Variants in SPRY3 observed in about 807,000 individuals in gnomAD.
SPRY3 encodes the protein protein sprouty homolog 3.
SPRY3 carries 15 observed loss-of-function variants against 20.2 expected under a neutral mutation model. The ratio of observed to expected loss-of-function variants is 0.74; its 90% confidence interval spans 0.50 to 1.14. The LOEUF is 1.14. SPRY3 is among the 50% of genes most tolerant of loss of function. The pLI is 0.00. For synonymous variants in SPRY3, 143 were observed against 136.5 expected, an observed-to-expected ratio of 1.05 and a Z score of -0.33; for missense variants, 364 against 363.9, an observed-to-expected ratio of 1.00 and a Z score of 0.00.
chrX:155,717,003 T>C (rs1246331053), intron 2 of SPRY3, among the ~76,000 whole-genome samples: 1 of 132,720 alleles, frequency 7.5e-6, no homozygotes, highest in Non-Finnish European at 1.6e-5. Context: ...TATATATATA[T>C]ATATATATAG....
chrX:155,657,834 A>G lies in SPRY3; in HGVS notation c.-282+809A>G, dbSNP rs193106198. Among the ~76,000 whole-genome samples, 144 of 112,331 alleles carry G rather than the reference A, an allele frequency of 1.3e-3. 1 individual carries two copies. Among genetic ancestry groups the G allele is most frequent in the African/African-American group, 4.3e-3 (134 of 30,955 alleles). On this transcript the variant is annotated intron_variant, in intron 2 of 3. Transcript: ENST00000675360. ...TCTGGGCTGGATATCACAGTCCCTC[A>G]TGGCTTCCCTTGGCTAGGGGAGGGA... is the stretch of plus-strand genomic sequence containing the variant.
intron 2 of SPRY3, chrX:155,767,717 A>AGGAGGT: frequency 1.0e-5 from 1 of 97,222 alleles, no homozygotes; most frequent in Non-Finnish European, 2.0e-5. Context: ...GAGGAGGAGG[A>AGGAGGT]GAAAGAGGAG....
At chrX:155,732,519 G>A (rs1237215764) in intron 2 of SPRY3, among the ~76,000 whole-genome samples, 2 of 152,030 alleles carry the variant, frequency 1.3e-5, no homozygotes, top group Non-Finnish European at 2.9e-5. Context: ...TGCCAAGTAT[G>A]TGGAGAAAAG....
At chrX:155,675,505 A>G (rs1264518777) in intron 2 of SPRY3, among the ~76,000 whole-genome samples, 1 of 111,190 alleles carries the variant, frequency 9.0e-6, no homozygotes, top group African/African-American at 3.3e-5. Flanking sequence ...GAGCCCCACA[A>G]AGGTAGGAGG....
chrX:155,725,099 C>T (rs942756818), intron 2 of SPRY3, among the ~76,000 whole-genome samples: 2 of 152,114 alleles, frequency 1.3e-5, no homozygotes, highest in African/African-American at 4.8e-5. Flanking sequence ...GTCATTGGTT[C>T]CATTTACGTG....
At chrX:155,673,928 C>T (rs1212196950) in intron 2 of SPRY3, among the ~76,000 whole-genome samples, 1 of 111,619 alleles carries the variant, frequency 9.0e-6, no homozygotes, top group Non-Finnish European at 1.9e-5. Flanking sequence ...TCAAATTCCA[C>T]AGTGGCTATC....
chrX:155,628,562 T>A (rs1180162386), intron 1 of SPRY3, among the ~76,000 whole-genome samples: 2 of 111,818 alleles, frequency 1.8e-5, no homozygotes. Flanking sequence ...CCAACAAACA[T>A]ATGAAAAAAA....
At chrX:155,622,996 G>T (rs2067876400) in intron 1 of SPRY3, among the ~76,000 whole-genome samples, 2 of 111,826 alleles carry the variant, frequency 1.8e-5, no homozygotes, top group Admixed American at 1.9e-4. Flanking sequence ...TCAACCAATT[G>T]TTTTGGAATC....
At chrX:155,732,464 C>T (rs182056351) in intron 2 of SPRY3, among the ~76,000 whole-genome samples, 1 of 151,912 alleles carries the variant, frequency 6.6e-6, no homozygotes, top group East Asian at 1.9e-4. Context: ...ATATCTCAGC[C>T]CAGTTAAAAT....
At chrX:155,672,344 C>T (rs1557354832) in intron 2 of SPRY3, among the ~76,000 whole-genome samples, 1 of 109,578 alleles carries the variant, frequency 9.1e-6, no homozygotes, top group Non-Finnish European at 1.9e-5. Context: ...CCAGAATCTA[C>T]AATGAACTCA....
At chrX:155,616,135 C>CTCTCTCTCTCT (rs2067852531) in intron 1 of SPRY3, among the ~76,000 whole-genome samples, 1 of 32,219 alleles carries the variant, frequency 3.1e-5, no homozygotes, top group Non-Finnish European at 1.5e-4. Flanking sequence ...TCTCTCCTCT[C>CTCTCTCTCTCT]TCTCTCTCTC....
At chrX:155,774,740 C>T (rs773959049) in exon 4 of SPRY3, 2 of 1,606,266 alleles carry the variant, frequency 1.2e-6, no homozygotes. Context: ...TCTGTATGAC[C>T]TTCCAACAAG....
At chrX:155,635,550 A>G (rs1489876494) in intron 1 of SPRY3, among the ~76,000 whole-genome samples, 2 of 111,957 alleles carry the variant, frequency 1.8e-5, no homozygotes, top group African/African-American at 3.2e-5. Context: ...AAAAGTGGGC[A>G]AAGGATATGA....
At chrX:155,704,929 T>G (rs2090939595) in intron 2 of SPRY3, among the ~76,000 whole-genome samples, 1 of 151,466 alleles carries the variant, frequency 6.6e-6, no homozygotes. Flanking sequence ...CTTTTTAAAA[T>G]GAAGGTGAAA....
intron 2 of SPRY3, among the ~76,000 whole-genome samples, chrX:155,698,108 C>G (rs1038989798): frequency 3.6e-5 from 4 of 110,974 alleles, no homozygotes; most frequent in African/African-American, 1.3e-4. Context: ...CAAAGTAGTG[C>G]TGCAGCTCCA....
chrX:155,716,345 G>C (rs940572600), intron 2 of SPRY3, among the ~76,000 whole-genome samples: 1 of 151,944 alleles, frequency 6.6e-6, no homozygotes, highest in African/African-American at 2.4e-5. Flanking sequence ...TTTCCTTATT[G>C]ATATTTTCTA....
intron 2 of SPRY3, among the ~76,000 whole-genome samples, chrX:155,725,848 T>G (rs1179546268): frequency 1.3e-5 from 2 of 152,184 alleles, no homozygotes; most frequent in Non-Finnish European, 2.9e-5. Flanking sequence ...AGTTATTTCT[T>G]GCCTTCTGCT....
chrX:155,773,693 A>T (rs758759564), intron 3 of SPRY3, 73 bp from the exon 3 acceptor site: 2 of 671,804 alleles, frequency 3.0e-6, no homozygotes, highest in Non-Finnish European at 5.2e-6. Flanking sequence ...ATAGGGCCTG[A>T]GCTTTGTTGG....
intron 2 of SPRY3, among the ~76,000 whole-genome samples, chrX:155,729,289 C>G (rs1431370200): frequency 6.6e-6 from 1 of 152,044 alleles, no homozygotes; most frequent in Non-Finnish European, 1.5e-5. Flanking sequence ...GGATCATTCT[C>G]TAAGATAGAT....
Sources: gnomAD v4.1 joint callset for allele counts (sites outside exome capture counted in the v4.1 genomes callset) on GRCh38, gnomAD v4.1.1 for gene constraint, MANE v1.5 for transcripts, NCBI Gene and HGNC (gene_info 2026-07-23, HGNC 2026-07-21) for gene names.